Variants in C3orf20 observed in about 807,000 individuals in gnomAD.
The protein encoded by C3orf20 is family with sequence similarity 149 member C.
Under a neutral mutation model 88.3 loss-of-function variants are expected in C3orf20, and 76 were observed. That is an observed-to-expected ratio of 0.86 (90% CI 0.72 to 1.04). The LOEUF is 1.04. Ranked by LOEUF, C3orf20 falls within the 50% of genes least tolerant of loss-of-function variation. The pLI, the probability that C3orf20 is intolerant of heterozygous loss-of-function variation, is 0.00. For synonymous variants in C3orf20, 436 were observed against 437.4 expected (o/e 1.00, Z 0.04); for missense variants, 1,056 against 1,123.3 (o/e 0.94, Z 0.86).
At chr3:14,709,185 G>A (rs918871739) in intron 7 of C3orf20, among the ~76,000 whole-genome samples, 6 of 152,096 alleles carry the variant, frequency 3.9e-5, no homozygotes, top group African/African-American at 1.4e-4. Flanking sequence ...TGTGTTCATG[G>A]GGACAACTCT....
At chr3:14,703,930 C>T (rs1015619853) in intron 6 of C3orf20, among the ~76,000 whole-genome samples, 2 of 152,094 alleles carry the variant, frequency 1.3e-5, no homozygotes, top group Non-Finnish European at 2.9e-5. Context: ...TATACGTCTC[C>T]GGGGGTTGCT....
At chr3:14,735,648 C>A (rs1266531549) in intron 12 of C3orf20, among the ~76,000 whole-genome samples, 1 of 151,464 alleles carries the variant, frequency 6.6e-6, no homozygotes, top group Non-Finnish European at 1.5e-5. Context: ...GGCTGGAGTG[C>A]GGTGGTGCCA....
chr3:14,685,177 A>G (rs2032329195), intron 4 of C3orf20, among the ~76,000 whole-genome samples: 1 of 152,226 alleles, frequency 6.6e-6, no homozygotes, highest in Non-Finnish European at 1.5e-5. Context: ...AAGCATAGAT[A>G]TTTACAGAGA....
At chr3:14,719,567 A>G (rs1471140617) in intron 9 of C3orf20, among the ~76,000 whole-genome samples, 3 of 152,216 alleles carry the variant, frequency 2.0e-5, no homozygotes, top group Non-Finnish European at 4.4e-5. Flanking sequence ...TCTCTGGGCT[A>G]CTGTGACATG....
intron 12 of C3orf20, among the ~76,000 whole-genome samples, chr3:14,734,115 C>T (rs1010570225): frequency 1.3e-5 from 2 of 152,038 alleles, no homozygotes; most frequent in African/African-American, 4.8e-5. Flanking sequence ...TGATTAGTCC[C>T]AGGATTTATT....
At chr3:14,713,846 T>C (rs1211004569) in intron 7 of C3orf20, among the ~76,000 whole-genome samples, 161 bp from the exon 8 acceptor site, 1 of 152,200 alleles carries the variant, frequency 6.6e-6, no homozygotes, top group East Asian at 1.9e-4. Flanking sequence ...GGTTCCATAA[T>C]CATATAATTG....
chr3:14,730,974 A>G (rs2124993266), intron 12 of C3orf20, among the ~76,000 whole-genome samples: 1 of 152,234 alleles, frequency 6.6e-6, no homozygotes, highest in Admixed American at 6.5e-5. Context: ...TCCTCAGGGG[A>G]TACTTTCCAA....
Position 14,713,987 on chromosome 3 carries a change from T to C in C3orf20, c.1161-20T>C, listed in dbSNP as rs770973255. The C allele has an allele frequency of 1.2e-6, 2 of 1,613,822 alleles. No homozygotes were observed. The highest frequency in any genetic ancestry group is 8.5e-7 in the Non-Finnish European group (1 of 1,179,910). On this transcript the variant is annotated intron_variant, in intron 7 of 16. Coordinates refer to ENST00000253697, the MANE Select transcript of C3orf20 (RefSeq NM_032137.5). The stretch of plus-strand genomic sequence containing the variant: ...AACCAGGGGAGTTTTCTGTTAGTTC[T>C]ACCTGAACATTTCTGCCAGCTATCC...
intron 3 of C3orf20, among the ~76,000 whole-genome samples, chr3:14,683,492 C>T (rs540629768): frequency 2.6e-5 from 4 of 152,172 alleles, no homozygotes; most frequent in Non-Finnish European, 5.9e-5. Flanking sequence ...CACCCATGTC[C>T]GGGTGGCATA....
chr3:14,765,940 C>T (rs978952317), intron 15 of C3orf20, among the ~76,000 whole-genome samples: 1 of 152,236 alleles, frequency 6.6e-6, no homozygotes, highest in Non-Finnish European at 1.5e-5. Flanking sequence ...CTGGGGCAAG[C>T]TGTCACCTGG....
chr3:14,711,374 C>T (rs185526950), intron 7 of C3orf20, among the ~76,000 whole-genome samples: 16 of 152,204 alleles, frequency 1.1e-4, no homozygotes, highest in Non-Finnish European at 2.1e-4. Flanking sequence ...ATAATTGTTA[C>T]ATATTCTTAA....
rs767409476 is a variant in C3orf20, at chr3:14,761,588, A to G, written c.2468A>G (p.Tyr823Cys). ...TCTCAACAGGATTACAAGATGGGCT[A>G]CTTCCTGCCGGATGACTACAAATTC... ...FRSQQDYKMGYFLPDDYKFSV... is the reference protein window; with the variant it reads ...FRSQQDYKMGCFLPDDYKFSV... The change falls in exon 15 of 17, where the codon TAC becomes TGC. Residue 823 changes from tyrosine to cysteine, a missense_variant. Tyr to Cys is a radical substitution (Grantham distance 194, BLOSUM62 -2). Transcript: ENST00000253697. 32 of 1,614,006 alleles carry G rather than the reference A, an allele frequency of 2.0e-5. No individual in the cohort carries two copies. Among genetic ancestry groups the G allele is most frequent in the Non-Finnish European group, 2.6e-5 (31 of 1,180,042 alleles).
At chr3:14,686,998 A>T (rs2032464543) in intron 4 of C3orf20, among the ~76,000 whole-genome samples, 1 of 152,246 alleles carries the variant, frequency 6.6e-6, no homozygotes, top group South Asian at 2.1e-4. Flanking sequence ...AATGAAAGTG[A>T]TGCTGGAGAG....
intron 9 of C3orf20, among the ~76,000 whole-genome samples, chr3:14,718,057 G>C (rs2034003827): frequency 6.6e-6 from 1 of 152,058 alleles, no homozygotes; most frequent in Admixed American, 6.6e-5. Context: ...TCTTGAGTCT[G>C]TAAATTCATT....
chr3:14,703,270 C>T lies in C3orf20; in HGVS notation c.878+8C>T, dbSNP rs2033353037. On this transcript the variant is annotated splice_region_variant and intron_variant, in intron 6 of 16. Coordinates refer to ENST00000253697, the MANE Select transcript of C3orf20 (RefSeq NM_032137.5). ...GGAGTTGTGTCGCCACATGTGAGCACCTCAGTGCTTGGGTCGGGGGAGTCA... is the reference window on the plus strand; with the variant it reads ...GGAGTTGTGTCGCCACATGTGAGCATCTCAGTGCTTGGGTCGGGGGAGTCA... The T allele has an allele frequency of 6.2e-7, 1 of 1,614,044 alleles. No individual in the cohort carries two copies. The highest frequency in any genetic ancestry group is 8.5e-7 in the Non-Finnish European group (1 of 1,180,030).
chr3:14,730,572 G>T (rs984446320), intron 12 of C3orf20, among the ~76,000 whole-genome samples: 12 of 150,732 alleles, frequency 8.0e-5, no homozygotes, highest in Admixed American at 7.9e-4. Context: ...AATAATAATC[G>T]ATTGTAAATA....
At position 14,759,912 on chromosome 3, in the gene C3orf20, C is replaced by T; in HGVS notation, c.2266C>T (p.Leu756=). The part of the protein sequence containing the change: ...CIQCRYDSYR[L]LQYDLDSPLQ... ...GTAGTGCCGGTATGACTCCTACCGCCTGCTGCAGTATGACCTGGACAGCCC... is the reference window on the plus strand; with the variant it reads ...GTAGTGCCGGTATGACTCCTACCGCTTGCTGCAGTATGACCTGGACAGCCC... The change falls in exon 14 of 17, where the codon CTG becomes TTG. Residue 756 remains leucine, a synonymous_variant. Transcript: ENST00000253697. 1 of 1,614,072 alleles carries T rather than the reference C, an allele frequency of 6.2e-7. No individual in the cohort carries two copies. Among genetic ancestry groups the T allele is most frequent in the Non-Finnish European group, 8.5e-7 (1 of 1,179,934 alleles).
chr3:14,700,465 A>G (rs762974285), intron 5 of C3orf20, among the ~76,000 whole-genome samples: 4 of 152,200 alleles, frequency 2.6e-5, no homozygotes, highest in African/African-American at 4.8e-5. Context: ...AACTTAGCAT[A>G]TACAGGTTTG....
intron 5 of C3orf20, among the ~76,000 whole-genome samples, chr3:14,699,978 C>G (rs772449879): frequency 8.5e-5 from 13 of 152,224 alleles, no homozygotes; most frequent in Non-Finnish European, 1.8e-4. Context: ...AATGCTCCCT[C>G]CATGAGTGGG....
Sources: gnomAD v4.1 joint callset for allele counts (sites outside exome capture counted in the v4.1 genomes callset) on GRCh38, gnomAD v4.1.1 for gene constraint, MANE v1.5 for transcripts, NCBI Gene and HGNC (gene_info 2026-07-23, HGNC 2026-07-21) for gene names.